SEMA4F: variants seen among roughly 807,000 people sequenced by gnomAD.
The protein encoded by SEMA4F is ssemaphorin 4F.
Under a neutral mutation model 78.4 loss-of-function variants are expected in SEMA4F, and 51 were observed. That is an observed-to-expected ratio of 0.65 (90% CI 0.52 to 0.82). The LOEUF is 0.82. SEMA4F is among the 40% of genes least tolerant of loss of function. The pLI is 0.00. For missense variants in SEMA4F, 938 were observed against 1,014.4 expected (o/e 0.92, Z 1.02); for synonymous variants, 418 against 408.7 (o/e 1.02, Z -0.27).
chr2:74,667,481 C>G (rs1684753365), intron 5 of SEMA4F, among the ~76,000 whole-genome samples: 1 of 152,344 alleles, frequency 6.6e-6, no homozygotes, highest in African/African-American at 2.4e-5. Context: ...TGACCTCCTA[C>G]AAAGTCCAGT....
chr2:74,706,383 A>G, the SEMA4F span, among the ~76,000 whole-genome samples: 151 of 152,332 alleles, frequency 9.9e-4, no homozygotes, highest in African/African-American at 3.6e-3. Context: ...CTCAGAACCC[A>G]CAAACCCAAA....
downstream of SEMA4F, among the ~76,000 whole-genome samples, chr2:74,684,481 T>C (rs369209806): frequency 1.5e-4 from 23 of 152,062 alleles, no homozygotes; most frequent in South Asian, 6.2e-4. Context: ...TAAGCTTCCA[T>C]GATTGTAGAG....
intron 12 of SEMA4F, among the ~76,000 whole-genome samples, chr2:74,678,613 G>A (rs1219015288): frequency 1.3e-5 from 2 of 152,082 alleles, no homozygotes; most frequent in Non-Finnish European, 2.9e-5. Flanking sequence ...CAGCCTCTGC[G>A]AGTGGTGCCA....
intron 5 of SEMA4F, among the ~76,000 whole-genome samples, chr2:74,663,076 C>T (rs557819578): frequency 1.3e-5 from 2 of 152,310 alleles, no homozygotes; most frequent in South Asian, 2.1e-4. Flanking sequence ...CTCTTAACCT[C>T]ATTTTCTTTT....
At chr2:74,698,597 G>A in the SEMA4F span, among the ~76,000 whole-genome samples, 4 of 152,172 alleles carry the variant, frequency 2.6e-5, no homozygotes, top group Non-Finnish European at 4.4e-5. Context: ...AGGATATCTC[G>A]TTAGGTTTGT....
At chr2:74,698,146 C>T in the SEMA4F span, among the ~76,000 whole-genome samples, 1 of 152,188 alleles carries the variant, frequency 6.6e-6, no homozygotes, top group Admixed American at 6.5e-5. Context: ...AAGAAGAACC[C>T]TCTAAAACAT....
chr2:74,656,631 C>A lies in SEMA4F; in HGVS notation c.243C>A (p.Ala81=), dbSNP rs781614508. The change falls in exon 2 of 14, where the codon GCC becomes GCA. Residue 81 remains alanine, a synonymous_variant. Coordinates refer to ENST00000357877, the MANE Select transcript of SEMA4F (RefSeq NM_004263.5). The part of the protein sequence containing the change: ...DPASHTLYVG[A]RDTIFALSLP... ...CCTCCCACACACTTTATGTTGGCGCCCGGGACACCATCTTCGCTTTATCCC... is the reference window on the plus strand; with the variant it reads ...CCTCCCACACACTTTATGTTGGCGCACGGGACACCATCTTCGCTTTATCCC... 1 of 1,614,146 alleles carries A rather than the reference C, an allele frequency of 6.2e-7. No homozygotes were observed. The highest frequency in any genetic ancestry group is 8.5e-7 in the Non-Finnish European group (1 of 1,180,032).
Position 74,675,571 on chromosome 2 carries a change from C to T in SEMA4F, c.1419C>T (p.Ser473=), listed in dbSNP as rs1447008058. The change falls in exon 11 of 14, where the codon AGC becomes AGT. Residue 473 remains serine (S), a synonymous_variant. Coordinates refer to ENST00000357877, the MANE Select transcript of SEMA4F (RefSeq NM_004263.5). Reference sequence around the variant, plus strand: ...CAGTGCGGATCGGAGCTCAGCTCAGCGTTCTTGAAGATCTGGCCTTATTCC... The same window carrying T: ...CAGTGCGGATCGGAGCTCAGCTCAGTGTTCTTGAAGATCTGGCCTTATTCC... ...HRAVRIGAQL[S]VLEDLALFPE... 1.4e-5 allele frequency: 23 copies of T among 1,614,042 alleles called. No homozygotes were observed. Among genetic ancestry groups the T allele is most frequent in the Admixed American group, 3.3e-5 (2 of 60,012 alleles).
Position 74,673,556 on chromosome 2 carries a change from C to A in SEMA4F, c.650C>A (p.Thr217Asn), listed in dbSNP as rs771402836. Residue 217 changes from threonine to asparagine, a missense_variant, in exon 6 of 14, where the codon ACC (threonine) becomes AAC (asparagine). Coordinates refer to ENST00000357877, the MANE Select transcript of SEMA4F (RefSeq NM_004263.5). ...GCCGAGGACTGGATTCGGACAGATA[C>A]CTTGCCTTCCTGGCTGAACGGTGGG... ...GRAEDWIRTD[T>N]LPSWLNAPAF... The A allele has an allele frequency of 3.7e-6, 6 of 1,614,024 alleles. No homozygotes were observed. In the South Asian group the frequency reaches 4.4e-5, roughly 12 times the overall value.
At position 74,656,700 on chromosome 2, in the gene SEMA4F, A is replaced by C. The variant is rs756457904; in HGVS notation, c.297+15A>C. 5.0e-6 allele frequency: 8 copies of C among 1,613,632 alleles called. No individual in the cohort carries two copies. Among genetic ancestry groups the C allele is most frequent in the Non-Finnish European group, 5.9e-6 (7 of 1,179,798 alleles). On this transcript the variant is annotated intron_variant, in intron 2 of 13. Transcript: ENST00000357877. ...GACCCCGCAGGGTGAGAGACAAGAG[A>C]GGGAAGGACCCCTGACCCTGTAGCA... is the stretch of plus-strand genomic sequence containing the variant.
In SEMA4F at chr2:74,683,262, G is replaced by A. The variant is rs1482556221; in HGVS notation, c.*3053G>A. The A allele has an allele frequency of 6.6e-6, 1 of 152,198 alleles. No homozygotes were observed. The highest frequency in any genetic ancestry group is 2.4e-5 in the African/African-American group (1 of 41,436). The allele number at this position is 152,198 out of a possible 1,614,324, so 9.4% of individuals were successfully genotyped here. A position where few individuals can be genotyped will look rare whatever the true frequency, so the allele number is the denominator to read the frequency against. ...CAGGCCTTCATTAGGCACGTTGCAT[G>A]TCTGTCAAGTAAGGGCCACTAATCA... On this transcript the variant is annotated 3_prime_UTR_variant, in exon 14 of 14. Coordinates refer to ENST00000357877, the MANE Select transcript of SEMA4F (RefSeq NM_004263.5).
At position 74,674,899 on chromosome 2, in the gene SEMA4F, C is replaced by A; in HGVS notation, c.1013C>A (p.Thr338Asn). Residue 338 changes from threonine to asparagine, a missense_variant, in exon 9 of 14, where the codon ACT (threonine) becomes AAT (asparagine). Coordinates refer to ENST00000357877, the MANE Select transcript of SEMA4F (RefSeq NM_004263.5). ...GIFSSQWEGA[T>N]ISAVCAFRPQ... ...CCTGTGAATTCCAGGGAGGGGGCTA[C>A]TATCTCTGCTGTCTGTGCCTTCCGA... 6.2e-7 allele frequency: 1 copy of A among 1,614,018 alleles called. No individual in the cohort carries two copies. Among genetic ancestry groups the A allele is most frequent in the Non-Finnish European group, 8.5e-7 (1 of 1,179,980 alleles).
Position 74,679,914 on chromosome 2 carries a change from C to T in SEMA4F, c.2018C>T (p.Ala673Val), listed in dbSNP as rs1685506232. 1 of 1,614,112 alleles carries T rather than the reference C, an allele frequency of 6.2e-7. No individual in the cohort carries two copies. Among genetic ancestry groups the T allele is most frequent in the Non-Finnish European group, 8.5e-7 (1 of 1,180,044 alleles). ...LAGFFLGILAASLTLILIGRR... is the reference protein window; with the variant it reads ...LAGFFLGILAVSLTLILIGRR... ...GGCTTCTTCTTGGGGATTCTCGCAG[C>T]ATCCCTGACTCTCATTCTGATTGGT... The change falls in exon 14 of 14, where the codon GCA becomes GTA. Residue 673 changes from alanine to valine, a missense_variant. Ala to Val is a moderately conservative substitution (Grantham distance 64). Coordinates refer to ENST00000357877, the MANE Select transcript of SEMA4F (RefSeq NM_004263.5).
At chr2:74,656,443 AG>A in intron 1 of SEMA4F, 90 bp from the exon 2 acceptor site, 1 of 1,376,376 alleles carries the variant, frequency 7.3e-7, no homozygotes, top group South Asian at 1.3e-5. Context: ...GGTACTTGGA[AG>A]AAAACAAAAA....
At chr2:74,684,980 A>G (rs940915437), downstream of SEMA4F, among the ~76,000 whole-genome samples, 1 of 152,216 alleles carries the variant, frequency 6.6e-6, no homozygotes, top group South Asian at 2.1e-4. Flanking sequence ...TCAAACAAAA[A>G]CAAAACCAAA....
At chr2:74,708,225 A>T in the SEMA4F span, among the ~76,000 whole-genome samples, 217 of 152,298 alleles carry the variant, frequency 1.4e-3, no homozygotes, top group Middle Eastern at 0.01. Context: ...ATATATAGGA[A>T]TCCAAAAATA....
the SEMA4F span, among the ~76,000 whole-genome samples, chr2:74,697,917 C>T: frequency 6.6e-6 from 1 of 152,100 alleles, no homozygotes; most frequent in Non-Finnish European, 1.5e-5. Flanking sequence ...TCTCAAAAAG[C>T]CCTGTGCACT....
At chr2:74,674,435 C>G in intron 7 of SEMA4F, 63 bp from the exon 8 acceptor site, 1 of 1,481,194 alleles carries the variant, frequency 6.8e-7, no homozygotes, top group Non-Finnish European at 9.1e-7. Flanking sequence ...TTAAATTGGT[C>G]TCCATGCTCC....
At chr2:74,708,402 C>T in the SEMA4F span, among the ~76,000 whole-genome samples, 4 of 152,036 alleles carry the variant, frequency 2.6e-5, no homozygotes, top group Non-Finnish European at 4.4e-5. Context: ...GTGATGTGCC[C>T]TGTAATGACC....
Sources: allele counts gnomAD v4.1 joint callset (sites outside exome capture counted in the v4.1 genomes callset), GRCh38; gene constraint gnomAD v4.1.1; transcripts MANE v1.5; gene names NCBI Gene and HGNC (gene_info 2026-07-23, HGNC 2026-07-21).